The following C3orf20 variants were observed in gnomAD, a reference collection of about 807,000 sequenced individuals.
C3orf20 encodes family with sequence similarity 149 member C.
Under a neutral mutation model 88.3 loss-of-function variants are expected in C3orf20, and 76 were observed. That is an observed-to-expected ratio of 0.86 (90% CI 0.72 to 1.04). The LOEUF (loss-of-function observed/expected upper bound fraction) is 1.04. C3orf20 is among the 50% of genes least tolerant of loss of function. The probability of loss-of-function intolerance (pLI) is 0.00; values close to 1 mark genes in which losing one functional copy is unlikely to be tolerated. For missense variants in C3orf20, 1,056 were observed against 1,123.3 expected (o/e 0.94, Z 0.86); for synonymous variants, 436 against 437.4 (o/e 1.00, Z 0.04).
At chr3:14,723,673 A>C (rs2034243283) in intron 10 of C3orf20, among the ~76,000 whole-genome samples, 1 of 152,148 alleles carries the variant, frequency 6.6e-6, no homozygotes, top group African/African-American at 2.4e-5. Context: ...AGAGCAAACT[A>C]CCCGCAAGAG....
intron 12 of C3orf20, among the ~76,000 whole-genome samples, chr3:14,734,887 A>G (rs1370441075): frequency 1.3e-5 from 2 of 152,078 alleles, no homozygotes; most frequent in Non-Finnish European, 2.9e-5. Flanking sequence ...TATTAGACAA[A>G]TGCAAACTTA....
chr3:14,705,305 T>A (rs1182843427), intron 7 of C3orf20, among the ~76,000 whole-genome samples: 1 of 152,278 alleles, frequency 6.6e-6, no homozygotes, highest in Non-Finnish European at 1.5e-5. Context: ...TTGCAGGGCA[T>A]TCACCAACCT....
intron 9 of C3orf20, among the ~76,000 whole-genome samples, chr3:14,717,837 T>C (rs1321797639): frequency 6.6e-6 from 1 of 152,230 alleles, no homozygotes; most frequent in Non-Finnish European, 1.5e-5. Context: ...TTTTGCTGGA[T>C]ATGATTCTGG....
At chr3:14,676,105 C>T (rs1375806504) in intron 1 of C3orf20, among the ~76,000 whole-genome samples, 1 of 143,874 alleles carries the variant, frequency 7.0e-6, no homozygotes, top group Non-Finnish European at 1.5e-5. Context: ...TTCCTTCCCC[C>T]TCCCCCCCGC....
rs2033251472 is a variant in C3orf20 at position 14,701,319 on chromosome 3, T to C, written c.746-1811T>C. On this transcript the variant is annotated intron_variant, in intron 5 of 16. Transcript: ENST00000253697. The surrounding 1 kb of genome is among the most constrained non-coding windows in gnomAD (Gnocchi z 4.6). Reference sequence around the variant, plus strand: ...CATTCTGAGGCCCTCAGGGTTTCAGTTAGAGCCTGAGAAATGCCCCCACCC... The same window carrying C: ...CATTCTGAGGCCCTCAGGGTTTCAGCTAGAGCCTGAGAAATGCCCCCACCC... Among the ~76,000 whole-genome samples the C allele has an allele frequency of 6.6e-6, 1 of 152,088 alleles. No individual in the cohort carries two copies. The highest frequency in any genetic ancestry group is 2.4e-5 in the African/African-American group (1 of 41,414).
chr3:14,711,136 G>A (rs1356750082), intron 7 of C3orf20, among the ~76,000 whole-genome samples: 2 of 152,136 alleles, frequency 1.3e-5, no homozygotes, highest in Non-Finnish European at 2.9e-5. Flanking sequence ...GAACTCAGGT[G>A]ATCCATCCGC....
chr3:14,696,962 G>T (rs942170998), intron 5 of C3orf20, among the ~76,000 whole-genome samples: 1 of 151,986 alleles, frequency 6.6e-6, no homozygotes, highest in Admixed American at 6.6e-5. Context: ...AGGGTAAAAG[G>T]TTTTTTCCTT....
chr3:14,772,723 CG>C lies in C3orf20; in HGVS notation c.2631-65del. ...AGGGCCTTGCCCCTCCTGGCCCAAC[CG>C]GGCCTGGGCTCTGGGCACTGTGAAG... On this transcript the variant is annotated intron_variant, in intron 16 of 16. Transcript: ENST00000253697. This position sits in a 1 kb window ranked among gnomAD's most constrained non-coding sequence, Gnocchi z 4.2. The C allele has an allele frequency of 7.5e-7, 1 of 1,339,820 alleles. No homozygotes were observed. Among genetic ancestry groups the C allele is most frequent in the South Asian group, 1.2e-5 (1 of 83,228 alleles). The allele number at this position is 1,339,820 out of a possible 1,614,324, so 83.0% of individuals were successfully genotyped here. A position where few individuals can be genotyped will look rare whatever the true frequency, so the allele number is the denominator to read the frequency against.
chr3:14,757,679 G>C lies in C3orf20; in HGVS notation c.2244+5G>C. On this transcript the variant is annotated splice_donor_5th_base_variant and intron_variant, in intron 13 of 16. Coordinates refer to ENST00000253697, the MANE Select transcript of C3orf20 (RefSeq NM_032137.5). ...CGTGGCTCCCCCTGCATCCAGGTTG[G>C]TCTGGGCCCAGTGAGGAGGCCCTGG... The C allele has an allele frequency of 6.2e-7, 1 of 1,607,082 alleles. No individual in the cohort carries two copies.
At chr3:14,728,040 A>G (rs1197519044) in intron 11 of C3orf20, among the ~76,000 whole-genome samples, 1 of 152,138 alleles carries the variant, frequency 6.6e-6, no homozygotes, top group Non-Finnish European at 1.5e-5. Flanking sequence ...ACAATACAAC[A>G]AAGAAAGTAG....
At chr3:14,755,500 C>A (rs1206485147) in intron 12 of C3orf20, among the ~76,000 whole-genome samples, 3 of 152,200 alleles carry the variant, frequency 2.0e-5, no homozygotes, top group Non-Finnish European at 4.4e-5. Context: ...CAGTCTCCCC[C>A]ACCCCCTGCT....
chr3:14,710,083 A>G (rs2033680764), intron 7 of C3orf20, among the ~76,000 whole-genome samples: 1 of 151,662 alleles, frequency 6.6e-6, no homozygotes, highest in African/African-American at 2.4e-5. Flanking sequence ...TTTCTTTTTG[A>G]GTCACTTCTG....
chr3:14,680,147 C>G (rs770725880), intron 1 of C3orf20, among the ~76,000 whole-genome samples: 43 of 152,220 alleles, frequency 2.8e-4, no homozygotes, highest in Non-Finnish European at 5.0e-4. Context: ...AATCCCACTT[C>G]TAGGTATACA....
At chr3:14,758,892 C>T (rs2035470954) in intron 13 of C3orf20, among the ~76,000 whole-genome samples, 1 of 152,238 alleles carries the variant, frequency 6.6e-6, no homozygotes, top group African/African-American at 2.4e-5. Flanking sequence ...TAGTTCAATC[C>T]AGTGAGCATG....
chr3:14,763,965 A>T (rs1180276110), intron 15 of C3orf20, among the ~76,000 whole-genome samples: 1 of 152,230 alleles, frequency 6.6e-6, no homozygotes, highest in Non-Finnish European at 1.5e-5. Flanking sequence ...TGGTGAGGAA[A>T]GAATCAGAAA....
chr3:14,714,994 T>G (rs1473069621), intron 8 of C3orf20, among the ~76,000 whole-genome samples: 1 of 152,226 alleles, frequency 6.6e-6, no homozygotes, highest in Non-Finnish European at 1.5e-5. Flanking sequence ...GTTCCCATCT[T>G]GGTGCCTATT....
In C3orf20 at chr3:14,721,799, A is replaced by G; in HGVS notation, c.1566+15A>G. The stretch of plus-strand genomic sequence containing the variant: ...ATGACAAACGGGTAAGGCAAGGCAG[A>G]CTATGCACCCAGCCCTGACCCCTGG... On this transcript the variant is annotated intron_variant, in intron 10 of 16. Coordinates refer to ENST00000253697, the MANE Select transcript of C3orf20 (RefSeq NM_032137.5). 2 of 1,613,968 alleles carry G rather than the reference A, an allele frequency of 1.2e-6. No homozygotes were observed. The highest frequency in any genetic ancestry group is 1.7e-6 in the Non-Finnish European group (2 of 1,179,914).
At chr3:14,731,657 C>T (rs2034544521) in intron 12 of C3orf20, among the ~76,000 whole-genome samples, 2 of 152,160 alleles carry the variant, frequency 1.3e-5, no homozygotes, top group Non-Finnish European at 1.5e-5. Context: ...GTCACATAGG[C>T]ACCCTAAGCC....
At chr3:14,746,739 A>G (rs2035068511) in intron 12 of C3orf20, among the ~76,000 whole-genome samples, 1 of 152,228 alleles carries the variant, frequency 6.6e-6, no homozygotes, top group Non-Finnish European at 1.5e-5. Flanking sequence ...TTCTTTGGGC[A>G]GTTTTGCCTG....
Sources: gnomAD v4.1 joint callset for allele counts (sites outside exome capture counted in the v4.1 genomes callset) on GRCh38, gnomAD v4.1.1 for gene constraint, Gnocchi (gnomAD v3.1) non-coding constraint, MANE v1.5 for transcripts, NCBI Gene and HGNC (gene_info 2026-07-23, HGNC 2026-07-21) for gene names.